The following YAF2 variants were observed in gnomAD, a reference collection of about 807,000 sequenced individuals.
YAF2 encodes the protein YY1 associated factor 2, also known as YY1-associated factor 2.
Under a neutral mutation model 20.1 loss-of-function variants are expected in YAF2, and 7 were observed. The observed-to-expected ratio is 0.35, with a 90% CI of 0.20 to 0.65. The LOEUF is 0.65. Ranked by LOEUF, YAF2 falls within the 30% of genes least tolerant of loss-of-function variation. The pLI, the probability that YAF2 is intolerant of heterozygous loss-of-function variation, is 0.69. For missense variants in YAF2, 151 were observed against 219.2 expected (o/e 0.69, Z 1.96); for synonymous variants, 74 against 76.0 (o/e 0.97, Z 0.14).
chr12:42,180,687 G>A (rs765477077), intron 2 of YAF2, among the ~76,000 whole-genome samples: 17 of 152,136 alleles, frequency 1.1e-4, no homozygotes, highest in Non-Finnish European at 1.9e-4. Context: ...GGTGGCTCAC[G>A]CCTGTAATCT....
At chr12:42,232,763 AGTTG>A (rs1365145111) in intron 2 of YAF2, 1 of 985,134 alleles carries the variant, frequency 1.0e-6, no homozygotes, top group Non-Finnish European at 1.2e-6. Context: ...ACCAGATGAT[AGTTG>A]GTTTAAGCTT....
At chr12:42,178,434 T>C (rs184685013) in intron 2 of YAF2, among the ~76,000 whole-genome samples, 8 of 152,328 alleles carry the variant, frequency 5.3e-5, no homozygotes, top group Admixed American at 3.3e-4. Flanking sequence ...AATTATTACA[T>C]TTCACCTTTG....
At chr12:42,191,333 T>C (rs1217296026) in intron 2 of YAF2, among the ~76,000 whole-genome samples, 2 of 152,204 alleles carry the variant, frequency 1.3e-5, no homozygotes, top group Admixed American at 6.5e-5. Flanking sequence ...TGATGTCTAC[T>C]GCTTTTAATT....
chr12:42,169,432 C>T (rs140612647), intron 2 of YAF2, among the ~76,000 whole-genome samples: 11 of 151,472 alleles, frequency 7.3e-5, no homozygotes, highest in Non-Finnish European at 1.2e-4. Context: ...TCTTTTTTTT[C>T]GGAGACATAG....
At position 42,226,856 on chromosome 12, in the gene YAF2, G is replaced by A. The variant is rs143170052; in HGVS notation, c.152+10743C>T. Among the ~76,000 whole-genome samples, 1,324 of 151,174 alleles carry A rather than the reference G, an allele frequency of 8.8e-3. 3 individuals carry two copies. The highest frequency in any genetic ancestry group is 0.012 in the Non-Finnish European group (827 of 67,494). On this transcript the variant is annotated intron_variant, in intron 2 of 3. Coordinates refer to ENST00000534854, the MANE Select transcript of YAF2 (RefSeq NM_005748.6). Reference sequence around the variant, plus strand: ...AATAGACATCTTGAGAGGAGGTCGCGGCGCCGGAGGCCCCAGAAGGCTCGA... The same window carrying A: ...AATAGACATCTTGAGAGGAGGTCGCAGCGCCGGAGGCCCCAGAAGGCTCGA...
intron 2 of YAF2, among the ~76,000 whole-genome samples, chr12:42,201,873 T>G (rs957727413): frequency 3.9e-5 from 6 of 152,176 alleles, no homozygotes; most frequent in Admixed American, 3.9e-4. Flanking sequence ...ACACCCAGCC[T>G]GATGTCTTTT....
intron 2 of YAF2, among the ~76,000 whole-genome samples, chr12:42,218,232 G>A (rs2067417289): frequency 9.2e-6 from 1 of 108,266 alleles, no homozygotes; most frequent in Non-Finnish European, 2.2e-5. Context: ...ACACACAGAT[G>A]ATTATCGATC....
chr12:42,184,275 A>G (rs1069644), intron 2 of YAF2, among the ~76,000 whole-genome samples: 109,113 of 152,008 alleles, frequency 0.72, 40,772 homozygotes, highest in African/African-American at 0.93. Flanking sequence ...GCAGCCCCAT[A>G]GATCCAGGAG....
chr12:42,164,960 T>A (rs1276688684), intron 2 of YAF2, among the ~76,000 whole-genome samples: 3 of 146,700 alleles, frequency 2.0e-5, no homozygotes, highest in Middle Eastern at 3.3e-3. Context: ...GAGGCTGAGG[T>A]GGAAAAATCG....
chr12:42,218,324 TA>T (rs1185343138), intron 2 of YAF2, among the ~76,000 whole-genome samples: 1 of 152,124 alleles, frequency 6.6e-6, no homozygotes, highest in Non-Finnish European at 1.5e-5. Context: ...ACCACAATGA[TA>T]TGCAAGTATA....
chr12:42,172,052 T>G (rs1268408639), intron 2 of YAF2: 1 of 152,244 alleles, frequency 6.6e-6, no homozygotes, highest in Non-Finnish European at 1.5e-5. Context: ...TATCTGTTTT[T>G]TATTCTTCCA....
chr12:42,232,218 T>C (rs1005486457), intron 2 of YAF2: 1 of 157,374 alleles, frequency 6.4e-6, no homozygotes, highest in African/African-American at 2.4e-5. Context: ...ACAATGAAGA[T>C]AGCAATTTGG....
chr12:42,181,323 T>C (rs1174168163), intron 2 of YAF2, among the ~76,000 whole-genome samples: 2 of 152,262 alleles, frequency 1.3e-5, no homozygotes, highest in African/African-American at 4.8e-5. Flanking sequence ...CTTCTCCTAC[T>C]GCTTTCCCTC....
At chr12:42,184,548 G>A (rs1419029778) in intron 2 of YAF2, among the ~76,000 whole-genome samples, 1 of 152,152 alleles carries the variant, frequency 6.6e-6, no homozygotes, top group Non-Finnish European at 1.5e-5. Context: ...GACCTCAGGT[G>A]ATTGACTCAC....
intron 2 of YAF2, among the ~76,000 whole-genome samples, chr12:42,199,767 T>G (rs1202164285): frequency 1.3e-5 from 2 of 152,132 alleles, no homozygotes; most frequent in Non-Finnish European, 2.9e-5. Context: ...ACTGTACTAT[T>G]CTAATATTAA....
At chr12:42,214,604 C>T (rs61940227) in intron 2 of YAF2, among the ~76,000 whole-genome samples, 31,515 of 151,940 alleles carry the variant, frequency 0.21, 3,380 homozygotes, top group Admixed American at 0.25. Context: ...GATTAAATGC[C>T]ACCCACTCAG....
chr12:42,223,986 T>C (rs957240049), intron 2 of YAF2, among the ~76,000 whole-genome samples: 3 of 152,274 alleles, frequency 2.0e-5, no homozygotes, highest in Admixed American at 2.0e-4. Flanking sequence ...GGCACATGTA[T>C]ATCTATGTAA....
rs1213630002 is a variant in YAF2, at chr12:42,161,825, T to A, written c.153-60A>T. 29 of 1,435,450 alleles carry A rather than the reference T, an allele frequency of 2.0e-5. No individual in the cohort carries two copies. In the South Asian group the frequency reaches 3.6e-4, roughly 18 times the overall value. The allele number at this position is 1,435,450 out of a possible 1,614,324, so 88.9% of individuals were successfully genotyped here. On this transcript the variant is annotated intron_variant, in intron 2 of 3. Transcript: ENST00000534854. ...TACAACTTAAAACATAAGTGCTTTA[T>A]GACAGAATATCTCACATTATGAAAA... is the stretch of plus-strand genomic sequence containing the variant.
chr12:42,220,060 C>T (rs1169658436), intron 2 of YAF2, among the ~76,000 whole-genome samples: 1 of 152,050 alleles, frequency 6.6e-6, no homozygotes, highest in African/African-American at 2.4e-5. Context: ...ACTTAGAGGA[C>T]CAAGATGAGG....
Sources: gnomAD v4.1 joint callset for allele counts (sites outside exome capture counted in the v4.1 genomes callset) on GRCh38, gnomAD v4.1.1 for gene constraint, MANE v1.5 for transcripts, NCBI Gene and HGNC (gene_info 2026-07-23, HGNC 2026-07-21) for gene names.